The following CENPE variants were observed in gnomAD, a reference collection of about 807,000 sequenced individuals.
CENPE encodes centromere protein E.
CENPE carries 145 observed loss-of-function variants against 336.1 expected under a neutral mutation model. That is an observed-to-expected ratio of 0.43 (90% CI 0.38 to 0.50). CENPE has a LOEUF of 0.50. Among genes scored for constraint, CENPE ranks in the 20% least tolerant of loss-of-function variants. The pLI, the probability that CENPE is intolerant of heterozygous loss-of-function variation, is 0.00. For synonymous variants in CENPE, 1,013 were observed against 984.8 expected, an observed-to-expected ratio of 1.03 and a Z score of -0.54; for missense variants, 2,719 against 3,023.3, an observed-to-expected ratio of 0.90 and a Z score of 2.36.
At position 103,145,220 on chromosome 4, in the gene CENPE, C is replaced by A. The variant is rs754478140; in HGVS notation, c.4687G>T (p.Ala1563Ser). 15 of 1,613,726 alleles carry A rather than the reference C, an allele frequency of 9.3e-6. No homozygotes were observed. The South Asian group carries it at 1.5e-4, about 17-fold the overall frequency. The part of the protein sequence containing the change: ...FKEHRKAKDS[A>S]LQSIESKMLE... ...ATCTTACTTTCTATACTTTGTAGTG[C>A]TGAATCCTTGGCTTTGCGATGCTCC... is the stretch of plus-strand genomic sequence containing the variant. The change falls in exon 32 of 49, where the codon GCA becomes TCA. Residue 1563 changes from alanine (A) to serine (S), a missense_variant. Coordinates refer to ENST00000265148, the MANE Select transcript of CENPE (RefSeq NM_001813.3).
At chr4:103,151,422 C>T (rs1753558570) in intron 25 of CENPE, 45 bp from the exon 26 acceptor site, 1 of 1,368,936 alleles carries the variant, frequency 7.3e-7, no homozygotes, top group Non-Finnish European at 9.8e-7. Context: ...TATTAGCTAA[C>T]ATTTATGAAA....
chr4:103,198,222 C>T, intron 1 of CENPE, 42 bp downstream of exon 1: 2 of 1,543,526 alleles, frequency 1.3e-6, no homozygotes, highest in Non-Finnish European at 1.7e-6. Context: ...AGGGCGGCGC[C>T]GCAGGCCCAG....
At chr4:103,156,006 A>G (rs1753931481) in intron 24 of CENPE, among the ~76,000 whole-genome samples, 1 of 152,232 alleles carries the variant, frequency 6.6e-6, no homozygotes. Flanking sequence ...TAGCATCAAA[A>G]AAGAACAAAA....
At chr4:103,124,946 T>C (rs988738938) in intron 42 of CENPE, among the ~76,000 whole-genome samples, 3 of 152,208 alleles carry the variant, frequency 2.0e-5, no homozygotes, top group Non-Finnish European at 4.4e-5. Context: ...CTGATCCACA[T>C]AGTAGAAATC....
chr4:103,117,944 T>C (rs924986252), intron 44 of CENPE, among the ~76,000 whole-genome samples: 2 of 152,196 alleles, frequency 1.3e-5, no homozygotes, highest in African/African-American at 4.8e-5. Flanking sequence ...TTTCTTTTAA[T>C]TGCTGAATAC....
chr4:103,142,343 C>T (rs1211119086), intron 34 of CENPE, among the ~76,000 whole-genome samples: 1 of 152,166 alleles, frequency 6.6e-6, no homozygotes, highest in Non-Finnish European at 1.5e-5. Flanking sequence ...TTTTCAAGAA[C>T]AGTACCAAAT....
At chr4:103,140,152 T>A in intron 37 of CENPE, 73 bp from the exon 38 acceptor site, 3 of 1,443,720 alleles carry the variant, frequency 2.1e-6, no homozygotes, top group South Asian at 2.6e-5. Flanking sequence ...CTACTTGTGT[T>A]CTATATGCAC....
At chr4:103,183,699 G>C (rs1252364385) in intron 9 of CENPE, among the ~76,000 whole-genome samples, 15 of 151,542 alleles carry the variant, frequency 9.9e-5, no homozygotes, top group Non-Finnish European at 1.6e-4. Flanking sequence ...GGTTCAAAAA[G>C]TTTAAAAAAA....
chr4:103,158,927 A>T, intron 22 of CENPE, 41 bp from the exon 23 acceptor site: 2 of 1,568,058 alleles, frequency 1.3e-6, no homozygotes, highest in Non-Finnish European at 1.7e-6. Context: ...GTAAAAGCAG[A>T]GCAGTCTGAG....
At chr4:103,160,532 G>T in intron 21 of CENPE, 93 bp downstream of exon 21, 1 of 1,071,780 alleles carries the variant, frequency 9.3e-7, no homozygotes, top group Non-Finnish European at 1.3e-6. Context: ...TTGTCTGCTA[G>T]TTTAAAATAA....
intron 29 of CENPE, 71 bp downstream of exon 29, chr4:103,147,285 A>G: frequency 7.7e-7 from 1 of 1,292,042 alleles, no homozygotes; most frequent in Non-Finnish European, 1.1e-6. Context: ...AAACATTATA[A>G]CTATAACACA....
chr4:103,133,976 G>T, intron 40 of CENPE, 84 bp from the exon 41 acceptor site: 2 of 807,500 alleles, frequency 2.5e-6, no homozygotes, highest in South Asian at 3.1e-5. Context: ...CTATGAGGTA[G>T]GATGACATCT....
chr4:103,161,993 ATATGAAATCAATG>A (rs1316753952), intron 18 of CENPE, among the ~76,000 whole-genome samples: 1 of 152,176 alleles, frequency 6.6e-6, no homozygotes, highest in Non-Finnish European at 1.5e-5. Context: ...ACTTTAGCTT[ATATGAAATCAATG>A]ATATGTCCTT....
intron 16 of CENPE, among the ~76,000 whole-genome samples, chr4:103,165,142 T>C (rs1269382705): frequency 4.6e-5 from 7 of 152,132 alleles, no homozygotes; most frequent in African/African-American, 1.7e-4. Flanking sequence ...ATGCAGAGCA[T>C]GAAGTGAAAG....
chr4:103,111,585 T>C (rs1240387098), intron 46 of CENPE, among the ~76,000 whole-genome samples: 3 of 152,308 alleles, frequency 2.0e-5, no homozygotes, highest in Middle Eastern at 3.4e-3. Flanking sequence ...ATTAATCCAT[T>C]AGGTCACTGG....
intron 46 of CENPE, among the ~76,000 whole-genome samples, chr4:103,111,413 G>A (rs547104831): frequency 8.3e-4 from 127 of 152,276 alleles, no homozygotes; most frequent in African/African-American, 2.5e-3. Context: ...GGGCCACCCC[G>A]TCATTCAGTG....
At chr4:103,134,171 C>T (rs770326739) in intron 40 of CENPE, among the ~76,000 whole-genome samples, 14 of 152,148 alleles carry the variant, frequency 9.2e-5, no homozygotes, top group African/African-American at 2.7e-4. Context: ...ATGTTTAAAA[C>T]GTAACATGAT....
chr4:103,122,878 G>T lies in CENPE; in HGVS notation c.7136C>A (p.Thr2379Asn), dbSNP rs1314319253. 2 of 1,609,952 alleles carry T rather than the reference G, an allele frequency of 1.2e-6. No homozygotes were observed. The highest frequency in any genetic ancestry group is 2.2e-5 in the East Asian group (1 of 44,840). The change falls in exon 43 of 49, where the codon ACC becomes AAC. Residue 2379 changes from threonine (T) to asparagine (N), a missense_variant. By Grantham distance (65) the Thr-to-Asn change is moderately conservative. Around this residue, in one of 5 missense-constraint regions of CENPE, gnomAD observed 2,437 missense variants for 2,513.3 expected, o/e 0.97. Coordinates refer to ENST00000265148, the MANE Select transcript of CENPE (RefSeq NM_001813.3). ...PHVTSRATQL[T>N]TEKIRELENS... ...TTATAAGAAATTATATACCTCTGTG[G>T]TTAACTGTGTAGCTCTTGATGTAAC...
chr4:103,149,674 T>C (rs1223656189), intron 26 of CENPE, among the ~76,000 whole-genome samples: 1 of 152,194 alleles, frequency 6.6e-6, no homozygotes, highest in Non-Finnish European at 1.5e-5. Context: ...GTGATCCTAC[T>C]GGAGTAGGTC....
Sources: allele counts gnomAD v4.1 joint callset (sites outside exome capture counted in the v4.1 genomes callset), GRCh38; gene constraint gnomAD v4.1.1; regional missense constraint gnomAD v4.1.1; transcripts MANE v1.5; gene names NCBI Gene and HGNC (gene_info 2026-07-23, HGNC 2026-07-21).